ZFAT: variants seen among roughly 807,000 people sequenced by gnomAD.
ZFAT encodes zinc finger protein ZFAT.
In ZFAT, 64 loss-of-function variants were observed where a neutral mutation model predicts 117.7. The ratio of observed to expected loss-of-function variants is 0.54; its 90% CI spans 0.44 to 0.67. The LOEUF is 0.67. ZFAT is among the 30% of genes least tolerant of loss of function. The pLI, the probability that ZFAT is intolerant of heterozygous loss-of-function variation, is 0.00. For synonymous variants in ZFAT, 679 were observed against 615.0 expected (o/e 1.10, Z -1.54); for missense variants, 1,433 against 1,584.5 (o/e 0.90, Z 1.62).
intron 9 of ZFAT, among the ~76,000 whole-genome samples, chr8:134,584,684 T>C (rs1272158063): frequency 1.3e-5 from 2 of 151,828 alleles, no homozygotes; most frequent in Non-Finnish European, 2.9e-5. Context: ...GGAAATTTCA[T>C]AGAGAAGAGT....
rs192755017 is a variant in ZFAT, at chr8:134,480,922, A to T, written c.3493-2201T>A. 5.9e-5 allele frequency among the ~76,000 whole-genome samples: 9 copies of T among 152,318 alleles called. No individual in the cohort carries two copies. In the East Asian group the frequency reaches 1.5e-3, roughly 26 times the overall value. On this transcript the variant is annotated intron_variant, in intron 15 of 15. Coordinates refer to ENST00000377838, the MANE Select transcript of ZFAT (RefSeq NM_020863.4). ...TCAAAAGGTGGGTCATGTTTAATTC[A>T]GAGAGAAAAATGGAAAAGGTTCCTC...
At chr8:134,539,009 C>T (rs1822050693) in intron 11 of ZFAT, among the ~76,000 whole-genome samples, 1 of 152,052 alleles carries the variant, frequency 6.6e-6, no homozygotes, top group Non-Finnish European at 1.5e-5. Context: ...AGGTAAAATA[C>T]ACATTTTCAT....
intron 10 of ZFAT, among the ~76,000 whole-genome samples, chr8:134,581,599 G>A (rs73365314): frequency 5.9e-5 from 9 of 152,084 alleles, no homozygotes; most frequent in Admixed American, 1.3e-4. Context: ...GGCAGGGGGG[G>A]TGTAGGGAAT....
In ZFAT at chr8:134,602,153, C is replaced by T. The variant is rs771436764; in HGVS notation, c.1566G>A (p.Glu522=). 2.5e-6 allele frequency: 4 copies of T among 1,613,432 alleles called. No homozygotes were observed. The change falls in exon 6 of 16, where the codon GAG becomes GAA. Residue 522 remains glutamate (E), a synonymous_variant. Coordinates refer to ENST00000377838, the MANE Select transcript of ZFAT (RefSeq NM_020863.4). ...GTGCATTCACGCCCTGGAGGGCAAA[C>T]TCCTCTTCCACCAGCTGTAGCTGGT... ...LGDQLQLVEE[E]FALQGVNALK...
At chr8:134,669,330 A>C (rs1197556790) in intron 1 of ZFAT, among the ~76,000 whole-genome samples, 1 of 152,200 alleles carries the variant, frequency 6.6e-6, no homozygotes, top group Non-Finnish European at 1.5e-5. Flanking sequence ...ATGAAGGAAA[A>C]AATGTTAAGG....
intron 1 of ZFAT, among the ~76,000 whole-genome samples, chr8:134,677,899 C>G (rs570178753): frequency 7.9e-5 from 12 of 152,260 alleles, no homozygotes; most frequent in African/African-American, 2.6e-4. Flanking sequence ...ATTCAACAGC[C>G]CTTCATGCTA....
At position 134,629,487 on chromosome 8, in the gene ZFAT, T is replaced by C. The variant is rs73711282; in HGVS notation, c.448+7974A>G. On this transcript the variant is annotated intron_variant, in intron 3 of 15. Coordinates refer to ENST00000377838, the MANE Select transcript of ZFAT (RefSeq NM_020863.4). ...TGTGATTCCCTGCTGGCTGATATAG[T>C]TTGGATTTGTGTCTCCACCCAAATC... Among the ~76,000 whole-genome samples the C allele has an allele frequency of 6.4e-3, 971 of 152,022 alleles. 4 individuals carry two copies. The highest frequency in any genetic ancestry group is 0.022 in the African/African-American group (913 of 41,458).
chr8:134,536,533 T>G (rs543008204), intron 11 of ZFAT, among the ~76,000 whole-genome samples: 1 of 152,276 alleles, frequency 6.6e-6, no homozygotes, highest in South Asian at 2.1e-4. Flanking sequence ...TCATCTAGGC[T>G]CTTCAAGCAA....
chr8:134,737,448 G>A, the ZFAT span, among the ~76,000 whole-genome samples: 2 of 152,226 alleles, frequency 1.3e-5, no homozygotes, highest in Non-Finnish European at 2.9e-5. Context: ...CCCAAATGCT[G>A]TTGCTCTTCA....
intron 15 of ZFAT, among the ~76,000 whole-genome samples, chr8:134,492,066 T>C (rs572289219): frequency 7.9e-5 from 12 of 152,116 alleles, no homozygotes; most frequent in African/African-American, 2.4e-4. Context: ...TAGGAATCTA[T>C]GAATTTCATT....
the ZFAT span, among the ~76,000 whole-genome samples, chr8:134,750,534 A>T: frequency 0.053 from 8,066 of 152,190 alleles, 302 homozygotes; most frequent in African/African-American, 0.1. Context: ...TATTTTTTTT[A>T]AAAATAATTA....
At chr8:134,736,050 C>A in the ZFAT span, among the ~76,000 whole-genome samples, 1 of 152,148 alleles carries the variant, frequency 6.6e-6, no homozygotes, top group African/African-American at 2.4e-5. Flanking sequence ...ACTGGAGTCT[C>A]AGCAGCCCTA....
intron 2 of ZFAT, among the ~76,000 whole-genome samples, chr8:134,651,612 G>A (rs1240377588): frequency 2.0e-5 from 3 of 152,018 alleles, no homozygotes; most frequent in South Asian, 2.1e-4. Context: ...AAGTAAATAC[G>A]CAGAATGCAG....
chr8:134,666,277 G>A lies in ZFAT; in HGVS notation c.20-8540C>T, dbSNP rs550256942. Among the ~76,000 whole-genome samples the A allele has an allele frequency of 5.9e-5, 9 of 152,216 alleles. 1 individual carries two copies. The East Asian group carries it at 1.7e-3, about 29-fold the overall frequency. On this transcript the variant is annotated intron_variant, in intron 1 of 15. Transcript: ENST00000377838. ...GAACCTAAACTTCTACCCCCCATTG[G>A]CAGTAACAAGGCAGTACCCCCTTGT...
Position 134,642,639 on chromosome 8 carries a change from T to A in ZFAT, c.197-4927A>T, listed in dbSNP as rs1002909282. 3.9e-5 allele frequency among the ~76,000 whole-genome samples: 6 copies of A among 152,350 alleles called. No individual in the cohort carries two copies. The East Asian group carries it at 1.2e-3, about 29-fold the overall frequency. ...GCATTTTTTCCTTGAGTTCTTCATT[T>A]TAAAATAGCTCTCACACCAGGAAAT... On this transcript the variant is annotated intron_variant, in intron 2 of 15. Transcript: ENST00000377838.
At chr8:134,676,255 C>CAAAAAAAAAAAA (rs146638821) in intron 1 of ZFAT, among the ~76,000 whole-genome samples, 5 of 80,594 alleles carry the variant, frequency 6.2e-5, no homozygotes, top group East Asian at 8.0e-4. Flanking sequence ...AAATGGAAAG[C>CAAAAAAAAAAAA]AAAAAAAAAA....
intron 11 of ZFAT, 142 bp downstream of exon 11, chr8:134,565,190 CA>C (rs1824347122): frequency 2.0e-6 from 3 of 1,537,478 alleles, no homozygotes; most frequent in African/African-American, 2.7e-5. Context: ...CACTATGCCT[CA>C]GACTCCACGT....
the ZFAT span, among the ~76,000 whole-genome samples, chr8:134,789,834 A>T: frequency 6.6e-6 from 1 of 152,250 alleles, no homozygotes; most frequent in East Asian, 1.9e-4. Context: ...TTGGCCATTT[A>T]TTGCTTCCAG....
At chr8:134,738,850 A>G in the ZFAT span, among the ~76,000 whole-genome samples, 1 of 152,226 alleles carries the variant, frequency 6.6e-6, no homozygotes, top group African/African-American at 2.4e-5. Context: ...CAGAAGCCCA[A>G]TTTGGCTGTG....
Sources: allele counts gnomAD v4.1 joint callset (sites outside exome capture counted in the v4.1 genomes callset), GRCh38; gene constraint gnomAD v4.1.1; transcripts MANE v1.5; gene names NCBI Gene and HGNC (gene_info 2026-07-23, HGNC 2026-07-21).